Variants in ADAM12 observed in about 807,000 individuals in gnomAD.
ADAM12 encodes the protein ADAM metallopeptidase domain 12, also known as disintegrin and metalloproteinase domain-containing protein 12.
In ADAM12, 70 loss-of-function variants were observed where a neutral mutation model predicts 106.4. The observed-to-expected ratio is 0.66, with a 90% confidence interval of 0.54 to 0.80. The LOEUF is 0.80. Among genes scored for constraint, ADAM12 ranks in the 30% least tolerant of loss-of-function variants. The pLI, the probability that ADAM12 is intolerant of heterozygous loss-of-function variation, is 0.00. For synonymous variants in ADAM12, 420 were observed against 433.5 expected (o/e 0.97, Z 0.39); for missense variants, 1,010 against 1,171.9 (o/e 0.86, Z 2.02).
intron 2 of ADAM12, among the ~76,000 whole-genome samples, chr10:126,321,532 A>C (rs916237867): frequency 6.6e-6 from 1 of 152,206 alleles, no homozygotes; most frequent in Non-Finnish European, 1.5e-5. Context: ...CAGTTGAAAC[A>C]AGTACAATAC....
At chr10:126,146,039 C>T (rs1391129339) in intron 4 of ADAM12, among the ~76,000 whole-genome samples, 10 of 152,180 alleles carry the variant, frequency 6.6e-5, no homozygotes, top group African/African-American at 1.4e-4. Flanking sequence ...CAGGCCGGTG[C>T]GGGGTCTGGA....
intron 2 of ADAM12, among the ~76,000 whole-genome samples, chr10:126,305,549 CTTGAT>C (rs1398337387): frequency 6.6e-6 from 1 of 152,002 alleles, no homozygotes; most frequent in Non-Finnish European, 1.5e-5. Flanking sequence ...TATTTAATGT[CTTGAT>C]TTGGGTGACG....
At chr10:126,272,666 C>T (rs1959184237) in intron 3 of ADAM12, among the ~76,000 whole-genome samples, 2 of 152,194 alleles carry the variant, frequency 1.3e-5, no homozygotes, top group Admixed American at 1.3e-4. Context: ...TTAGAACTCC[C>T]CATTCCTAAG....
At chr10:126,313,474 C>A (rs980791252) in intron 2 of ADAM12, among the ~76,000 whole-genome samples, 1 of 152,178 alleles carries the variant, frequency 6.6e-6, no homozygotes, top group Admixed American at 6.5e-5. Flanking sequence ...GTCAAAGTCT[C>A]CCACCTGGGA....
chr10:126,123,695 G>T (rs1046170101), intron 5 of ADAM12, among the ~76,000 whole-genome samples: 1 of 152,316 alleles, frequency 6.6e-6, no homozygotes, highest in South Asian at 2.1e-4. Flanking sequence ...GGACCCAGGC[G>T]GGACCTGTGT....
chr10:126,038,252 A>C lies in ADAM12; in HGVS notation c.2338T>G (p.Tyr780Asp). ...TACTCAAGACTCACCTTCGGTGGGT[A>C]GGAATCTGGCGGCTTCCTCATCAGG... is the stretch of plus-strand genomic sequence containing the variant. ...KGLMRKPPDS[Y>D]PPKDNPRRLL... is the part of the protein sequence containing the mutation. Residue 780 changes from tyrosine to aspartate, a missense_variant, in exon 20 of 23, where the codon TAC (tyrosine) becomes GAC (aspartate). Physicochemically the swap from Tyr to Asp is radical, Grantham distance 160 (BLOSUM62 -3). This residue lies in a region of ADAM12 where 615 missense variants were observed against 708.5 expected (regional missense o/e 0.87). Transcript: ENST00000448723. 6.2e-7 allele frequency: 1 copy of C among 1,610,202 alleles called. No individual in the cohort carries two copies. The highest frequency in any genetic ancestry group is 8.5e-7 in the Non-Finnish European group (1 of 1,178,520).
At chr10:126,270,895 A>C (rs1729789149) in intron 3 of ADAM12, among the ~76,000 whole-genome samples, 1 of 152,162 alleles carries the variant, frequency 6.6e-6, no homozygotes, top group African/African-American at 2.4e-5. Context: ...TGGAGCACTG[A>C]CATTGCCTTG....
Position 126,043,018 on chromosome 10 carries a change from G to A in ADAM12, c.2104+22C>T, listed in dbSNP as rs73374559. 1.8e-3 allele frequency: 2,856 copies of A among 1,610,876 alleles called. 54 individuals carry two copies. In the African/African-American group the frequency reaches 0.034, roughly 19 times the overall value. On this transcript the variant is annotated intron_variant, in intron 18 of 22. Coordinates refer to ENST00000448723, the MANE Select transcript of ADAM12 (RefSeq NM_001288973.2). The surrounding 1 kb of genome is among the most constrained non-coding windows in gnomAD (Gnocchi z 4.1). ...CCCAGGTGCTCAGCCTCCTCCCACC[G>A]GGATGCAGGGGCTTCACTGACCTGC... is the stretch of plus-strand genomic sequence containing the variant.
chr10:126,355,263 G>C (rs572232037), intron 1 of ADAM12, among the ~76,000 whole-genome samples: 2 of 152,314 alleles, frequency 1.3e-5, no homozygotes, highest in Non-Finnish European at 2.9e-5. Context: ...AAAAGGAATA[G>C]TGTTGATTAA....
chr10:126,250,730 C>T (rs978909446), intron 3 of ADAM12, among the ~76,000 whole-genome samples: 2 of 152,162 alleles, frequency 1.3e-5, no homozygotes, highest in African/African-American at 4.8e-5. Flanking sequence ...AAATCTCTGT[C>T]CACCTTGCCC....
At chr10:126,161,694 T>C (rs1278909607) in intron 3 of ADAM12, among the ~76,000 whole-genome samples, 1 of 152,146 alleles carries the variant, frequency 6.6e-6, no homozygotes, top group Non-Finnish European at 1.5e-5. Context: ...AGGCGCTGGA[T>C]GGAGGTTTTC....
intron 3 of ADAM12, among the ~76,000 whole-genome samples, chr10:126,238,043 C>T (rs570161189): frequency 7.2e-4 from 109 of 152,256 alleles, no homozygotes; most frequent in Non-Finnish European, 1.3e-3. Context: ...TTGTTAGCTA[C>T]GCAAAATATT....
At chr10:126,223,640 C>T (rs760600679) in intron 3 of ADAM12, among the ~76,000 whole-genome samples, 2 of 152,182 alleles carry the variant, frequency 1.3e-5, no homozygotes, top group Non-Finnish European at 2.9e-5. Flanking sequence ...AAGAGCAGCC[C>T]GCGTGGCCCT....
At chr10:126,173,757 T>C (rs1398044445) in intron 3 of ADAM12, among the ~76,000 whole-genome samples, 1 of 152,102 alleles carries the variant, frequency 6.6e-6, no homozygotes, top group East Asian at 1.9e-4. Flanking sequence ...AGAGTCTGCC[T>C]GGGGCCCCGA....
chr10:126,136,441 C>T (rs534244410), intron 4 of ADAM12, among the ~76,000 whole-genome samples: 25 of 152,290 alleles, frequency 1.6e-4, no homozygotes, highest in Non-Finnish European at 3.4e-4. Context: ...ATCCTCTGGA[C>T]GCCAGCTGGG....
intron 14 of ADAM12, among the ~76,000 whole-genome samples, chr10:126,062,511 G>A (rs996998446): frequency 2.0e-5 from 3 of 152,150 alleles, no homozygotes; most frequent in African/African-American, 2.4e-5. Context: ...TCAGTCTGTG[G>A]GTCAGGTTGT....
intron 2 of ADAM12, among the ~76,000 whole-genome samples, chr10:126,325,783 G>T (rs3847468): frequency 0.21 from 32,507 of 152,112 alleles, 3,732 homozygotes; most frequent in Middle Eastern, 0.29. Flanking sequence ...TAAAGACACT[G>T]TAAACTTTCA....
intron 11 of ADAM12, among the ~76,000 whole-genome samples, chr10:126,075,688 G>T (rs1347315159): frequency 6.6e-6 from 1 of 152,214 alleles, no homozygotes; most frequent in Non-Finnish European, 1.5e-5. Context: ...CCTCGGGAAA[G>T]AGCTGGTACA....
Position 126,071,568 on chromosome 10 carries a change from T to C in ADAM12, c.1232A>G (p.Asn411Ser), listed in dbSNP as rs920785254. ...LEKGMGVCLFNLPEVRESFGG... is the reference protein window; with the variant it reads ...LEKGMGVCLFSLPEVRESFGG... ...GAAAGACTCCCTGACTTCCGGCAGGTTAAACAGGCACACCCCCATTCCTTT... is the reference window on the plus strand; with the variant it reads ...GAAAGACTCCCTGACTTCCGGCAGGCTAAACAGGCACACCCCCATTCCTTT... The change falls in exon 12 of 23, where the codon AAC becomes AGC. Residue 411 changes from asparagine (N) to serine (S), a missense_variant. This residue lies in a region of ADAM12 where 615 missense variants were observed against 708.5 expected (regional missense o/e 0.87). Coordinates refer to ENST00000448723, the MANE Select transcript of ADAM12 (RefSeq NM_001288973.2). 4 of 1,614,140 alleles carry C rather than the reference T, an allele frequency of 2.5e-6. No individual in the cohort carries two copies. The highest frequency in any genetic ancestry group is 3.4e-6 in the Non-Finnish European group (4 of 1,180,030).
Sources: gnomAD v4.1 joint callset for allele counts (sites outside exome capture counted in the v4.1 genomes callset) on GRCh38, gnomAD v4.1.1 for gene constraint, gnomAD v4.1.1 regional missense constraint, Gnocchi (gnomAD v3.1) non-coding constraint, MANE v1.5 for transcripts, NCBI Gene and HGNC (gene_info 2026-07-23, HGNC 2026-07-21) for gene names.